The following KIAA1671 variants were observed in gnomAD, a reference collection of about 807,000 sequenced individuals.
KIAA1671 encodes KIAA1671.
Under a neutral mutation model 131.2 loss-of-function variants are expected in KIAA1671, and 52 were observed. The observed-to-expected ratio is 0.40, with a 90% confidence interval of 0.32 to 0.50. The LOEUF (loss-of-function observed/expected upper bound fraction) is 0.50. Among genes scored for constraint, KIAA1671 ranks in the 20% least tolerant of loss-of-function variants. The pLI is 0.73. For synonymous variants in KIAA1671, 1,003 were observed against 961.6 expected, an observed-to-expected ratio of 1.04 and a Z score of -0.80; for missense variants, 2,360 against 2,364.2, an observed-to-expected ratio of 1.00 and a Z score of 0.04.
intron 6 of KIAA1671, among the ~76,000 whole-genome samples, chr22:25,105,807 C>T (rs1018527924): frequency 1.7e-5 from 2 of 119,174 alleles, no homozygotes; most frequent in Non-Finnish European, 3.5e-5. Context: ...TAGCTTGTCA[C>T]AGGTATGAAG....
intron 1 of KIAA1671, among the ~76,000 whole-genome samples, chr22:24,979,131 G>A (rs1167767871): frequency 1.3e-5 from 2 of 150,620 alleles, no homozygotes; most frequent in African/African-American, 2.4e-5. Flanking sequence ...GAGTAGCTGG[G>A]ATTACAGGCG....
intron 1 of KIAA1671, among the ~76,000 whole-genome samples, chr22:24,997,452 G>A (rs947810713): frequency 3.3e-5 from 5 of 152,078 alleles, no homozygotes; most frequent in African/African-American, 1.2e-4. Flanking sequence ...GGAAATTGCC[G>A]GTATGAAAAA....
At chr22:25,081,395 G>T (rs753138298) in intron 6 of KIAA1671, among the ~76,000 whole-genome samples, 13 of 152,160 alleles carry the variant, frequency 8.5e-5, no homozygotes, top group African/African-American at 2.9e-4. Context: ...CTCACCTGAC[G>T]ATGAGAAACT....
intron 10 of KIAA1671, among the ~76,000 whole-genome samples, chr22:25,182,738 T>C (rs1934336169): frequency 6.6e-6 from 1 of 152,176 alleles, no homozygotes; most frequent in Non-Finnish European, 1.5e-5. Flanking sequence ...ATCTGTAAAG[T>C]GGGCTGAGAA....
intron 1 of KIAA1671, among the ~76,000 whole-genome samples, chr22:24,955,664 GTGGGGAGGC>G (rs1921654048): frequency 6.6e-6 from 1 of 152,176 alleles, no homozygotes; most frequent in East Asian, 1.9e-4. Context: ...CCTGGCTGGT[GTGGGGAGGC>G]TGGATGATCG....
At chr22:25,052,462 CACTT>C (rs928332938) in intron 6 of KIAA1671, 8 of 152,236 alleles carry the variant, frequency 5.3e-5, no homozygotes, top group African/African-American at 1.7e-4. Flanking sequence ...CAAAGCCTAA[CACTT>C]ACTATCGTTA....
intron 10 of KIAA1671, among the ~76,000 whole-genome samples, chr22:25,184,000 A>T (rs956743338): frequency 6.6e-6 from 1 of 152,260 alleles, no homozygotes; most frequent in Non-Finnish European, 1.5e-5. Flanking sequence ...CTGCTGAGGC[A>T]GATCTTGGGA....
At chr22:25,015,708 A>G (rs1045937965) in intron 1 of KIAA1671, among the ~76,000 whole-genome samples, 3 of 143,170 alleles carry the variant, frequency 2.1e-5, no homozygotes, top group Non-Finnish European at 4.6e-5. Context: ...CTTTTAATAT[A>G]CCACAGAATG....
At chr22:24,970,887 C>T (rs1387131741) in intron 1 of KIAA1671, among the ~76,000 whole-genome samples, 3 of 152,186 alleles carry the variant, frequency 2.0e-5, no homozygotes, top group Non-Finnish European at 2.9e-5. Flanking sequence ...TGAGCCAGAC[C>T]CTGTGCTAAG....
intron 11 of KIAA1671, among the ~76,000 whole-genome samples, chr22:25,186,602 T>TA (rs1038254986): frequency 1.2e-4 from 18 of 151,606 alleles, no homozygotes; most frequent in Admixed American, 6.6e-4. Context: ...CCTCTCTAAT[T>TA]AAAAAAAAGA....
chr22:25,145,343 A>G (rs1442941149), intron 6 of KIAA1671, among the ~76,000 whole-genome samples: 1 of 152,196 alleles, frequency 6.6e-6, no homozygotes, highest in Non-Finnish European at 1.5e-5. Context: ...CTGAGAGGTC[A>G]CCTGGGACTG....
rs1190082720 is a variant in KIAA1671, at chr22:25,177,454, G to T, written c.5006G>T (p.Ser1669Ile). The change falls in exon 9 of 13, where the codon AGT becomes ATT. Residue 1669 changes from serine to isoleucine, a missense_variant. This residue lies in a region of KIAA1671 where 1,161 missense variants were observed against 1,204.7 expected (regional missense o/e 0.96). Coordinates refer to ENST00000358431, the MANE Select transcript of KIAA1671 (RefSeq NM_001145206.2). ...CACTCCCTCCGGCGCAGCCGATTTAGTGAGTCCGAGAGCAGATCACCTTTG... is the reference window on the plus strand; with the variant it reads ...CACTCCCTCCGGCGCAGCCGATTTATTGAGTCCGAGAGCAGATCACCTTTG... The part of the protein sequence containing the change: ...ISHSLRRSRF[S>I]ESESRSPLED... The T allele has an allele frequency of 1.9e-6, 3 of 1,551,760 alleles. No homozygotes were observed. The highest frequency in any genetic ancestry group is 2.7e-5 in the African/African-American group (2 of 73,182).
chr22:25,143,157 C>A (rs750005323), intron 6 of KIAA1671, among the ~76,000 whole-genome samples: 13 of 152,222 alleles, frequency 8.5e-5, no homozygotes, highest in Admixed American at 1.3e-4. Context: ...GCCAAGGAGA[C>A]AGTGGTGAGT....
At chr22:25,164,960 A>AAGAG (rs1555884262) in intron 6 of KIAA1671, among the ~76,000 whole-genome samples, 7 of 134,230 alleles carry the variant, frequency 5.2e-5, no homozygotes, top group African/African-American at 5.7e-5. Flanking sequence ...AAAAAAAAAA[A>AAGAG]AGAGAGAGAG....
chr22:25,122,280 C>T (rs1168338009), intron 6 of KIAA1671, among the ~76,000 whole-genome samples: 1 of 152,074 alleles, frequency 6.6e-6, no homozygotes, highest in African/African-American at 2.4e-5. Flanking sequence ...TGTGACATGT[C>T]GGTTTACCAT....
intron 1 of KIAA1671, among the ~76,000 whole-genome samples, chr22:25,006,478 G>A (rs979787155): frequency 1.1e-4 from 16 of 152,036 alleles, no homozygotes; most frequent in Non-Finnish European, 2.1e-4. Context: ...CCTGGGGGGC[G>A]ACCGAGACAA....
intron 6 of KIAA1671, among the ~76,000 whole-genome samples, chr22:25,112,865 T>C (rs1194898476): frequency 2.6e-5 from 4 of 152,138 alleles, no homozygotes; most frequent in African/African-American, 9.7e-5. Flanking sequence ...GGCGGTGTCA[T>C]GTGCACGCTG....
At chr22:25,127,311 G>A (rs971212782) in intron 6 of KIAA1671, among the ~76,000 whole-genome samples, 6 of 152,194 alleles carry the variant, frequency 3.9e-5, no homozygotes, top group Admixed American at 3.3e-4. Flanking sequence ...TTTTGCACAA[G>A]CTGTTCCCTC....
rs1346737390 is a variant in KIAA1671 at position 25,089,118 on chromosome 22, AATGTGTGTAGGAGG to A, written c.4530+39766_4530+39779del. On this transcript the variant is annotated intron_variant, in intron 6 of 12. Coordinates refer to ENST00000358431, the MANE Select transcript of KIAA1671 (RefSeq NM_001145206.2). The stretch of plus-strand genomic sequence containing the variant: ...GGTATAAGAAACCTAGAGATGATTT[AATGTGTGTAGGAGG>A]ATGTGTGTAGGTCCCATGCAAATAC... Among the ~76,000 whole-genome samples, 6 of 152,276 alleles carry A rather than the reference AATGTGTGTAGGAGG, an allele frequency of 3.9e-5. No individual in the cohort carries two copies. The East Asian group carries it at 5.8e-4, about 15-fold the overall frequency.
Sources: gnomAD v4.1 joint callset for allele counts (sites outside exome capture counted in the v4.1 genomes callset) on GRCh38, gnomAD v4.1.1 for gene constraint, gnomAD v4.1.1 regional missense constraint, MANE v1.5 for transcripts, NCBI Gene and HGNC (gene_info 2026-07-23, HGNC 2026-07-21) for gene names.